NCOR2: variants seen among roughly 807,000 people sequenced by gnomAD.
NCOR2 encodes the protein nuclear receptor corepressor 2, also known as CTG repeat protein 26.
A neutral mutation model predicts 262.9 loss-of-function variants in NCOR2; 81 were observed. That is an observed-to-expected ratio of 0.31 (90% CI 0.26 to 0.37). NCOR2 has a LOEUF of 0.37. NCOR2 is among the 10% of genes least tolerant of loss of function. The pLI, the probability that NCOR2 is intolerant of heterozygous loss-of-function variation, is 1.00. For missense variants in NCOR2, 3,385 were observed against 3,621.4 expected (o/e 0.93, Z 1.68); for synonymous variants, 1,659 against 1,559.3 (o/e 1.06, Z -1.51).
intron 1 of NCOR2, among the ~76,000 whole-genome samples, chr12:124,501,066 A>ACACG (rs1277788262): frequency 3.5e-4 from 6 of 17,052 alleles, no homozygotes; most frequent in African/African-American, 5.1e-4. Context: ...ACGCGCGCAC[A>ACACG]CACACACACA....
chr12:124,371,133 G>C (rs1346963624), intron 20 of NCOR2, among the ~76,000 whole-genome samples: 1 of 152,004 alleles, frequency 6.6e-6, no homozygotes, highest in African/African-American at 2.4e-5. Flanking sequence ...GCTCGTAAAG[G>C]CCTTCTCACT....
chr12:124,333,895 TGCGC>T (rs879770164), intron 41 of NCOR2, among the ~76,000 whole-genome samples: 3,459 of 62,478 alleles, frequency 0.055, 140 homozygotes, highest in Middle Eastern at 0.085. Flanking sequence ...CATGTGTGTG[TGCGC>T]GCGCATGTGT....
intron 22 of NCOR2, among the ~76,000 whole-genome samples, chr12:124,359,558 C>T (rs2038346117): frequency 6.6e-6 from 1 of 152,218 alleles, no homozygotes; most frequent in South Asian, 2.1e-4. Context: ...AGTGGAGGCA[C>T]CTGTACAGGG....
chr12:124,443,963 C>T lies in NCOR2; in HGVS notation c.815+5852G>A, dbSNP rs2044985168. Among the ~76,000 whole-genome samples, 1 of 152,094 alleles carries T rather than the reference C, an allele frequency of 6.6e-6. No homozygotes were observed. Among genetic ancestry groups the T allele is most frequent in the Admixed American group, 6.6e-5 (1 of 15,262 alleles). ...AGGCTTGGCTGCTCCTTTCAAAGGT[C>T]GCCCAGCTCCCCGTTCCTCAGCCCC... On this transcript the variant is annotated intron_variant, in intron 7 of 46. Coordinates refer to ENST00000405201, the Ensembl canonical transcript of NCOR2. The surrounding 1 kb of genome is among the most constrained non-coding windows in gnomAD (Gnocchi z 4.4).
intron 7 of NCOR2, among the ~76,000 whole-genome samples, chr12:124,438,887 C>G (rs2044588151): frequency 8.2e-6 from 1 of 122,448 alleles, no homozygotes; most frequent in Admixed American, 8.5e-5. Flanking sequence ...AGACAGAGAC[C>G]CAGAGAGAGG....
At chr12:124,328,957 G>A (rs1566346376) in intron 44 of NCOR2, 2 of 333,084 alleles carry the variant, frequency 6.0e-6, no homozygotes, top group Non-Finnish European at 1.2e-5. Flanking sequence ...ACAGCCATGT[G>A]CATGAAGAAA....
In NCOR2 at chr12:124,389,573, C is replaced by A. The variant is rs574075934; in HGVS notation, c.1877-3686G>T. ...CATCATCCCCCGCCGCCCGTCCCCCCACCCTCCGTGTCAGTTCCACCTGAG... is the reference window on the plus strand; with the variant it reads ...CATCATCCCCCGCCGCCCGTCCCCCAACCCTCCGTGTCAGTTCCACCTGAG... On this transcript the variant is annotated intron_variant, in intron 16 of 46. Coordinates refer to ENST00000405201, the Ensembl canonical transcript of NCOR2. The surrounding 1 kb of genome is among the most constrained non-coding windows in gnomAD (Gnocchi z 4.4). Among the ~76,000 whole-genome samples the A allele has an allele frequency of 8.5e-5, 13 of 152,366 alleles. 1 individual carries two copies. The highest frequency in any genetic ancestry group is 3.9e-4 in the East Asian group (2 of 5,184).
chr12:124,494,732 A>T (rs2048287011), intron 1 of NCOR2, among the ~76,000 whole-genome samples: 1 of 152,152 alleles, frequency 6.6e-6, no homozygotes, highest in Non-Finnish European at 1.5e-5. Context: ...GAGGACAGGA[A>T]GGAAGGGGAG....
At chr12:124,353,653 T>C (rs1169166159) in intron 27 of NCOR2, among the ~76,000 whole-genome samples, 1 of 152,270 alleles carries the variant, frequency 6.6e-6, no homozygotes, top group Non-Finnish European at 1.5e-5. Context: ...TCTCATGCTC[T>C]GTCTTTGCAC....
chr12:124,483,507 T>A lies in NCOR2; in HGVS notation c.411+89A>T. On this transcript the variant is annotated intron_variant, in intron 3 of 46. Coordinates refer to ENST00000405201, the Ensembl canonical transcript of NCOR2. This position sits in a 1 kb window ranked among gnomAD's most constrained non-coding sequence, Gnocchi z 6.3. ...GCCTTTGCCCGAGCTGCCCCCTCCC[T>A]GCACCCCTACCCACCACCTCCCACC... 1.4e-4 allele frequency: 175 copies of A among 1,260,870 alleles called. No individual in the cohort carries two copies. The highest frequency in any genetic ancestry group is 3.8e-4 in the East Asian group (13 of 34,618). The allele number at this position is 1,260,870 out of a possible 1,614,324, so 78.1% of individuals were successfully genotyped here.
intron 1 of NCOR2, among the ~76,000 whole-genome samples, chr12:124,526,148 C>T (rs1460223482): frequency 6.6e-6 from 1 of 152,156 alleles, no homozygotes; most frequent in Non-Finnish European, 1.5e-5. Context: ...TCCAGCTCCT[C>T]CAGGCAGCCT....
chr12:124,422,284 T>G (rs2043250908), intron 12 of NCOR2, among the ~76,000 whole-genome samples: 1 of 152,084 alleles, frequency 6.6e-6, no homozygotes, highest in Admixed American at 6.5e-5. Flanking sequence ...AACCTGAGGC[T>G]CCTCCTCCAT....
intron 1 of NCOR2, among the ~76,000 whole-genome samples, chr12:124,553,576 G>A (rs186325526): frequency 1.1e-4 from 16 of 152,264 alleles, no homozygotes; most frequent in Admixed American, 9.2e-4. Flanking sequence ...GTGAATACAC[G>A]TCCCCAGCAG....
chr12:124,484,130 C>T (rs1172082473), intron 2 of NCOR2, among the ~76,000 whole-genome samples: 1 of 152,232 alleles, frequency 6.6e-6, no homozygotes, highest in Non-Finnish European at 1.5e-5. Context: ...CCTACTGAGT[C>T]AGACTCGGCA....
chr12:124,495,198 G>A lies in NCOR2; in HGVS notation c.54C>T (p.Arg18=). 1 of 1,613,964 alleles carries A rather than the reference G, an allele frequency of 6.2e-7. No individual in the cohort carries two copies. The highest frequency in any genetic ancestry group is 1.7e-5 in the Admixed American group (1 of 60,012). Residue 18 remains arginine (R), a synonymous_variant, in exon 1 of 47, where the codon CGC becomes CGT. Transcript: ENST00000405201. This position sits in a 1 kb window ranked among gnomAD's most constrained non-coding sequence, Gnocchi z 4.4. Reference sequence around the variant, plus strand: ...GGTAGGAAAGGCTGTGGGGCGGGTAGCGGGGCTCAGTGGCCCTCCACGTCT... The same window carrying A: ...GGTAGGAAAGGCTGTGGGGCGGGTAACGGGGCTCAGTGGCCCTCCACGTCT...
rs1048144385 is a variant in NCOR2, at chr12:124,387,002, C to T, written c.1877-1115G>A. On this transcript the variant is annotated intron_variant, in intron 16 of 46. Coordinates refer to ENST00000405201, the Ensembl canonical transcript of NCOR2. ...GGGTGCCCCTCCAGGGCAGCAGGCCCCAAGGCTGAATCACGTAGCTCGGGA... is the reference window on the plus strand; with the variant it reads ...GGGTGCCCCTCCAGGGCAGCAGGCCTCAAGGCTGAATCACGTAGCTCGGGA... 1.3e-5 allele frequency among the ~76,000 whole-genome samples: 2 copies of T among 152,260 alleles called. 1 individual carries two copies. The highest frequency in any genetic ancestry group is 1.3e-4 in the Admixed American group (2 of 15,286).
rs1423062897 is a variant in NCOR2, at chr12:124,523,562, T to C, written c.-118+12003A>G. On this transcript the variant is annotated intron_variant, in intron 1 of 46. Coordinates refer to the NCOR2 transcript ENST00000404621. This position sits in a 1 kb window ranked among gnomAD's most constrained non-coding sequence, Gnocchi z 4.0. ...CTTACAACCGGCGTGTCCAGTCTTTTGGCTTCACTGGGCCACACTAAAAGA... is the reference window on the plus strand; with the variant it reads ...CTTACAACCGGCGTGTCCAGTCTTTCGGCTTCACTGGGCCACACTAAAAGA... Among the ~76,000 whole-genome samples, 3 of 151,558 alleles carry C rather than the reference T, an allele frequency of 2.0e-5. No homozygotes were observed. Among genetic ancestry groups the C allele is most frequent in the Non-Finnish European group, 4.4e-5 (3 of 67,970 alleles).
exon 4 of NCOR2, chr12:124,473,032 C>G: frequency 6.2e-7 from 1 of 1,614,186 alleles, no homozygotes; most frequent in Non-Finnish European, 8.5e-7. Flanking sequence ...TGGATCAGCT[C>G]CTCCTTGGAC....
intron 27 of NCOR2, 108 bp from the exon 30 acceptor site, chr12:124,350,845 C>T (rs12825956): frequency 0.013 from 15,368 of 1,145,936 alleles, 136 homozygotes; most frequent in Non-Finnish European, 0.017. Context: ...CCGATGCACA[C>T]GCGTGTCCAC....
Sources: allele counts gnomAD v4.1 joint callset (sites outside exome capture counted in the v4.1 genomes callset), GRCh38; gene constraint gnomAD v4.1.1; non-coding constraint Gnocchi (gnomAD v3.1); transcripts MANE v1.5; gene names NCBI Gene and HGNC (gene_info 2026-07-23, HGNC 2026-07-21).